The following GTF2I variants were observed in gnomAD, a reference collection of about 807,000 sequenced individuals.
GTF2I encodes general transcription factor IIi, also known as general transcription factor II-I.
GTF2I carries 12 observed loss-of-function variants against 67.6 expected under a neutral mutation model. The ratio of observed to expected loss-of-function variants is 0.18; its 90% confidence interval spans 0.11 to 0.29. The LOEUF is 0.29. Ranked by LOEUF, GTF2I falls within the 10% of genes least tolerant of loss-of-function variation. GTF2I has a pLI of 1.00. For missense variants in GTF2I, 271 were observed against 580.1 expected (o/e 0.47, Z 5.47); for synonymous variants, 149 against 197.0 (o/e 0.76, Z 2.04).
intron 2 of GTF2I, among the ~76,000 whole-genome samples, 170 bp from the exon 3 acceptor site, chr7:74,690,802 GT>G (rs1224662948): frequency 6.0e-5 from 9 of 149,666 alleles, no homozygotes; most frequent in Non-Finnish European, 8.9e-5. Context: ...AGGGAATTGT[GT>G]TTTTTTTTTC....
intron 1 of GTF2I, among the ~76,000 whole-genome samples, chr7:74,686,230 T>G (rs1313378812): frequency 3.9e-5 from 6 of 152,146 alleles, no homozygotes; most frequent in Non-Finnish European, 7.4e-5. Flanking sequence ...CTGAGTAGCC[T>G]CCCATCCTTT....
intron 9 of GTF2I, 104 bp from the exon 10 acceptor site, chr7:74,714,752 TA>T: frequency 1.7e-6 from 1 of 598,884 alleles, no homozygotes; most frequent in Middle Eastern, 2.9e-4. Context: ...TTTTTATTTA[TA>T]AAAAGGCCAT....
intron 12 of GTF2I, among the ~76,000 whole-genome samples, chr7:74,723,428 C>CTTTTTTTTT (rs58149301): frequency 0.54 from 32,796 of 60,374 alleles, 11,785 homozygotes; most frequent in East Asian, 0.84. Context: ...CTCCCGGCCT[C>CTTTTTTTTT]TTTTTTTTTT....
chr7:74,707,266 C>T (rs782225565), intron 8 of GTF2I, among the ~76,000 whole-genome samples: 47 of 152,230 alleles, frequency 3.1e-4, no homozygotes, highest in Admixed American at 1.4e-3. Flanking sequence ...TCAAGCCTCC[C>T]GCTGCTCGGC....
intron 1 of GTF2I, among the ~76,000 whole-genome samples, chr7:74,685,692 G>A (rs376593000): frequency 3.9e-5 from 6 of 151,936 alleles, no homozygotes; most frequent in African/African-American, 9.7e-5. Context: ...GTTTGAACCC[G>A]GAAGGCCGAG....
chr7:74,725,685 ATAAAG>A (rs1231185242), intron 12 of GTF2I, among the ~76,000 whole-genome samples: 1 of 152,220 alleles, frequency 6.6e-6, no homozygotes, highest in Admixed American at 6.5e-5. Flanking sequence ...GTCTTAAAAA[ATAAAG>A]TAACTACATT....
At chr7:74,682,184 C>T (rs1013755821) in intron 1 of GTF2I, among the ~76,000 whole-genome samples, 1 of 152,130 alleles carries the variant, frequency 6.6e-6, no homozygotes, top group African/African-American at 2.4e-5. Context: ...AATTGGTAAC[C>T]TCGCAATCTA....
chr7:74,666,365 C>A (rs1159217081), intron 1 of GTF2I, among the ~76,000 whole-genome samples: 1 of 152,080 alleles, frequency 6.6e-6, no homozygotes, highest in Non-Finnish European at 1.5e-5. Flanking sequence ...TGGCATTAGA[C>A]TTTAATGCAC....
intron 1 of GTF2I, among the ~76,000 whole-genome samples, chr7:74,672,512 C>T (rs1340757145): frequency 2.0e-5 from 3 of 152,002 alleles, no homozygotes; most frequent in Non-Finnish European, 2.9e-5. Context: ...TGTACTCCGG[C>T]CTGGGCAACA....
intron 11 of GTF2I, 89 bp from the exon 12 acceptor site, chr7:74,718,790 G>A: frequency 1.5e-6 from 1 of 646,016 alleles, no homozygotes; most frequent in Non-Finnish European, 2.7e-6. Context: ...ATAGTAGGCT[G>A]CTTTTGGAGT....
At chr7:74,662,193 G>GT (rs782333320) in intron 1 of GTF2I, among the ~76,000 whole-genome samples, 1 of 138,566 alleles carries the variant, frequency 7.2e-6, no homozygotes, top group Admixed American at 8.5e-5. Flanking sequence ...AGATTTTTAG[G>GT]TTTTTTCTTT....
intron 6 of GTF2I, among the ~76,000 whole-genome samples, chr7:74,703,566 T>G (rs6973978): frequency 0.81 from 122,975 of 152,042 alleles, 49,965 homozygotes; most frequent in East Asian, 0.95. Context: ...TTTTAGTGGA[T>G]ACGGGGTTTC....
chr7:74,687,307 C>T (rs1787824737), intron 1 of GTF2I, among the ~76,000 whole-genome samples: 1 of 152,172 alleles, frequency 6.6e-6, no homozygotes, highest in South Asian at 2.1e-4. Flanking sequence ...TCACTGCAAC[C>T]TCCGCCTCCT....
At chr7:74,680,099 A>AAAAAAAAAAAAATATATATAT in intron 1 of GTF2I, among the ~76,000 whole-genome samples, 2 of 95,002 alleles carry the variant, frequency 2.1e-5, no homozygotes, top group African/African-American at 8.0e-5. Flanking sequence ...AAAAAAAAAA[A>AAAAAAAAAAAAATATATATAT]ATATATATAT....
intron 16 of GTF2I, among the ~76,000 whole-genome samples, chr7:74,734,508 C>T (rs1260291371): frequency 6.6e-6 from 1 of 151,922 alleles, no homozygotes; most frequent in Non-Finnish European, 1.5e-5. Context: ...TGCAACCTCC[C>T]GCCTCCTGGG....
At chr7:74,673,082 C>G (rs1805598591) in intron 1 of GTF2I, among the ~76,000 whole-genome samples, 1 of 152,050 alleles carries the variant, frequency 6.6e-6, no homozygotes, top group Non-Finnish European at 1.5e-5. Context: ...GGATGGTCTC[C>G]ATTTCCTGAC....
intron 16 of GTF2I, among the ~76,000 whole-genome samples, chr7:74,734,697 C>CA (rs1383454478): frequency 1.6e-5 from 2 of 128,980 alleles, no homozygotes; most frequent in Non-Finnish European, 3.4e-5. Flanking sequence ...GCTAGGATTA[C>CA]AGGCATGAGC....
chr7:74,723,507 C>G (rs1002819560), intron 12 of GTF2I, among the ~76,000 whole-genome samples: 2 of 139,460 alleles, frequency 1.4e-5, no homozygotes, highest in African/African-American at 2.7e-5. Context: ...CTCGGTTCTC[C>G]GCAGCCTCCG....
chr7:74,676,498 T>G (rs1554392428), intron 1 of GTF2I, among the ~76,000 whole-genome samples: 3 of 152,050 alleles, frequency 2.0e-5, no homozygotes, highest in Non-Finnish European at 2.9e-5. Context: ...AAGCACATTT[T>G]CTATAGAAGC....
Sources: allele counts gnomAD v4.1 joint callset (sites outside exome capture counted in the v4.1 genomes callset), GRCh38; gene constraint gnomAD v4.1.1; transcripts MANE v1.5; gene names NCBI Gene and HGNC (gene_info 2026-07-23, HGNC 2026-07-21).